Variants in CHD2 observed in about 807,000 individuals in gnomAD.
CHD2 encodes the protein ATP-dependent chromatin remodeler CHD2.
CHD2 carries 28 observed loss-of-function variants against 243.9 expected under a neutral mutation model. The ratio of observed to expected loss-of-function variants is 0.11; its 90% CI spans 0.09 to 0.16. CHD2 has a LOEUF of 0.16. Among genes scored for constraint, CHD2 ranks in the 10% least tolerant of loss-of-function variants. The probability of loss-of-function intolerance (pLI) is 1.00; values close to 1 mark genes in which losing one functional copy is unlikely to be tolerated. For missense variants in CHD2, 1,386 were observed against 2,209.8 expected, an observed-to-expected ratio of 0.63 and a Z score of 7.47; for synonymous variants, 775 against 779.0, an observed-to-expected ratio of 0.99 and a Z score of 0.09.
intron 26 of CHD2, 117 bp from the exon 27 acceptor site, chr15:92,991,359 G>C: frequency 1.6e-6 from 1 of 617,274 alleles, no homozygotes; most frequent in South Asian, 2.5e-5. Flanking sequence ...CAAGGATTGA[G>C]TCCACTCTAT....
In CHD2 at chr15:92,945,830, C is replaced by T. The variant is rs1457838717; in HGVS notation, c.1163C>T (p.Thr388Ile). ...QIVERVIAVK[T>I]SKSTLGQTDF... ...TTTTTTATTTGTTTAGCTGTGAAGA[C>T]AAGTAAATCTACATTGGGTCAAACA... Residue 388 changes from threonine to isoleucine, a missense_variant, in exon 11 of 39, where the codon ACA becomes ATA. Thr to Ile is a moderately conservative substitution (Grantham distance 89). This residue lies in a region of CHD2 where 200 missense variants were observed against 292.5 expected (regional missense o/e 0.68). Coordinates refer to ENST00000394196, the MANE Select transcript of CHD2 (RefSeq NM_001271.4). The T allele has an allele frequency of 1.3e-6, 2 of 1,571,764 alleles. No individual in the cohort carries two copies. Among genetic ancestry groups the T allele is most frequent in the Non-Finnish European group, 1.7e-6 (2 of 1,156,632 alleles).
At chr15:92,931,244 G>A (rs1463774829) in intron 5 of CHD2, among the ~76,000 whole-genome samples, 1 of 152,148 alleles carries the variant, frequency 6.6e-6, no homozygotes, top group Non-Finnish European at 1.5e-5. Flanking sequence ...TTTTTAAAAA[G>A]GGACCATTTT....
intron 2 of CHD2, among the ~76,000 whole-genome samples, chr15:92,917,372 G>A (rs866523924): frequency 6.6e-5 from 10 of 152,064 alleles, no homozygotes; most frequent in Non-Finnish European, 7.4e-5. Flanking sequence ...CAGCCTGGCC[G>A]ACATGGTGAA....
At chr15:92,939,806 C>A (rs1188320021) in intron 7 of CHD2, 88 bp downstream of exon 7, 2 of 1,354,200 alleles carry the variant, frequency 1.5e-6, no homozygotes, top group Admixed American at 4.7e-5. Flanking sequence ...GGGTTGTGCA[C>A]TTAATAGATA....
At chr15:92,911,309 T>C (rs568139554) in intron 2 of CHD2, among the ~76,000 whole-genome samples, 100 of 152,216 alleles carry the variant, frequency 6.6e-4, no homozygotes, top group Non-Finnish European at 1.2e-3. Context: ...GAGGTACATA[T>C]GCTTATCGCT....
chr15:93,009,057 C>A, intron 34 of CHD2, 88 bp from the exon 35 acceptor site: 1 of 1,408,712 alleles, frequency 7.1e-7, no homozygotes, highest in Non-Finnish European at 9.7e-7. Flanking sequence ...TAGGGGTGGG[C>A]TGTGTTTTCA....
intron 9 of CHD2, 78 bp from the exon 10 acceptor site, chr15:92,944,337 C>T: frequency 1.4e-6 from 1 of 712,910 alleles, no homozygotes; most frequent in Non-Finnish European, 2.4e-6. Context: ...TTCTTTTCCA[C>T]CTTTGACTTT....
At chr15:92,973,649 C>G (rs1306461423) in intron 19 of CHD2, among the ~76,000 whole-genome samples, 3 of 152,172 alleles carry the variant, frequency 2.0e-5, no homozygotes, top group Non-Finnish European at 2.9e-5. Flanking sequence ...TGCTTGTTAT[C>G]AAGAAACAGC....
rs141365983 is a variant in CHD2 at position 92,906,559 on chromosome 15, C to G, written c.62+5260C>G. On this transcript the variant is annotated intron_variant, in intron 2 of 38. Coordinates refer to ENST00000394196, the MANE Select transcript of CHD2 (RefSeq NM_001271.4). ...TGAGACCACCTGGTATTTCCAAACTCCTATCATTTCTCCCATAAAATTTGA... is the reference window on the plus strand; with the variant it reads ...TGAGACCACCTGGTATTTCCAAACTGCTATCATTTCTCCCATAAAATTTGA... Among the ~76,000 whole-genome samples, 12 of 152,164 alleles carry G rather than the reference C, an allele frequency of 7.9e-5. No homozygotes were observed. In the East Asian group the frequency reaches 2.3e-3, roughly 29 times the overall value.
chr15:92,919,559 T>G (rs2052914421), intron 2 of CHD2, among the ~76,000 whole-genome samples: 2 of 152,080 alleles, frequency 1.3e-5, no homozygotes, highest in Admixed American at 6.6e-5. Flanking sequence ...CCCAGCTAAT[T>G]TTTTGTATTT....
At chr15:92,957,569 T>C (rs2053632050) in intron 16 of CHD2, among the ~76,000 whole-genome samples, 1 of 152,178 alleles carries the variant, frequency 6.6e-6, no homozygotes, top group African/African-American at 2.4e-5. Flanking sequence ...TCATTGCTGG[T>C]TCCCATTGTC....
chr15:92,979,909 TAATAATAATATCAA>T (rs1214948554), intron 22 of CHD2, among the ~76,000 whole-genome samples: 7 of 151,562 alleles, frequency 4.6e-5, no homozygotes, highest in Admixed American at 2.0e-4. Context: ...CCGATAATAA[TAATAATAATATCAA>T]AATAATAATA....
intron 3 of CHD2, among the ~76,000 whole-genome samples, chr15:92,926,991 A>ATAT (rs2053075205): frequency 1.2e-5 from 1 of 82,296 alleles, no homozygotes; most frequent in Admixed American, 1.4e-4. Context: ...TCAGCTGTAT[A>ATAT]TTTTAATGAT....
chr15:92,916,102 C>A (rs35782805), intron 2 of CHD2, among the ~76,000 whole-genome samples: 2 of 152,082 alleles, frequency 1.3e-5, no homozygotes, highest in South Asian at 2.1e-4. Flanking sequence ...CTACCTATGA[C>A]CTGGAAGCCC....
chr15:92,944,909 A>G (rs2053437409), intron 10 of CHD2: 1 of 153,262 alleles, frequency 6.5e-6, no homozygotes, highest in African/African-American at 2.4e-5. Context: ...AGGACTCTTT[A>G]GTCTGGGCTG....
At position 92,941,763 on chromosome 15, in the gene CHD2, G is replaced by T. The variant is rs1331243089; in HGVS notation, c.693-59G>T. Reference sequence around the variant, plus strand: ...TTTCTTATTCTAGTGACGGTTATGTGTGGCAGTTTAATTCTGAAGAGATCA... The same window carrying T: ...TTTCTTATTCTAGTGACGGTTATGTTTGGCAGTTTAATTCTGAAGAGATCA... On this transcript the variant is annotated intron_variant, in intron 7 of 38. Transcript: ENST00000394196. 9 of 1,534,656 alleles carry T rather than the reference G, an allele frequency of 5.9e-6. No homozygotes were observed. In the African/African-American group the frequency reaches 9.6e-5, roughly 16 times the overall value.
At position 92,979,273 on chromosome 15, in the gene CHD2, G is replaced by A. The variant is rs1373107603; in HGVS notation, c.2866G>A (p.Gly956Arg). The change falls in exon 22 of 39, where the codon GGA (glycine) becomes AGA (arginine). Residue 956 changes from glycine (G) to arginine (R), a missense_variant. Physicochemically the swap from Gly to Arg is moderately radical, Grantham distance 125. Around this residue, in one of 19 missense-constraint regions of CHD2, gnomAD observed 99 missense variants for 206.4 expected, o/e 0.48. Coordinates refer to ENST00000394196, the MANE Select transcript of CHD2 (RefSeq NM_001271.4). ...TGRTILENNSGRSNSNPFNKE... is the reference protein window; with the variant it reads ...TGRTILENNSRRSNSNPFNKE... Reference sequence around the variant, plus strand: ...CCGGACGATCCTGGAAAACAACTCAGGAAGGTCCAAGTAAGTGCCAGGAAG... The same window carrying A: ...CCGGACGATCCTGGAAAACAACTCAAGAAGGTCCAAGTAAGTGCCAGGAAG... The A allele has an allele frequency of 1.2e-6, 2 of 1,613,850 alleles. No individual in the cohort carries two copies. Among genetic ancestry groups the A allele is most frequent in the African/African-American group, 1.3e-5 (1 of 74,998 alleles).
chr15:92,927,714 A>G (rs1004949849), intron 4 of CHD2, among the ~76,000 whole-genome samples: 5 of 152,220 alleles, frequency 3.3e-5, no homozygotes, highest in Non-Finnish European at 5.9e-5. Flanking sequence ...AAACAGAGCA[A>G]TAGAAATAGT....
intron 36 of CHD2, 138 bp from the exon 37 acceptor site, chr15:93,014,558 T>C: frequency 1.4e-6 from 1 of 700,608 alleles, no homozygotes; most frequent in Non-Finnish European, 2.4e-6. Context: ...GAGCCTTTTT[T>C]TTGTTAGGAG....
Sources: gnomAD v4.1 joint callset for allele counts (sites outside exome capture counted in the v4.1 genomes callset) on GRCh38, gnomAD v4.1.1 for gene constraint, gnomAD v4.1.1 regional missense constraint, MANE v1.5 for transcripts, NCBI Gene and HGNC (gene_info 2026-07-23, HGNC 2026-07-21) for gene names.